The following YARS1 variants were observed in gnomAD, a reference collection of about 807,000 sequenced individuals.
YARS1 encodes the protein tyrosyl-tRNA synthetase 1.
YARS1 carries 36 observed loss-of-function variants against 62.2 expected under a neutral mutation model. The observed-to-expected ratio is 0.58, with a 90% CI of 0.44 to 0.76. The LOEUF is 0.76. YARS1 is among the 30% of genes least tolerant of loss of function. YARS1 has a pLI of 0.00. For synonymous variants in YARS1, 234 were observed against 244.9 expected (o/e 0.96, Z 0.42); for missense variants, 524 against 639.8 (o/e 0.82, Z 1.95).
rs149439246 is a variant in YARS1 at position 32,784,717 on chromosome 1, T to C, written c.906+1645A>G. Among the ~76,000 whole-genome samples the C allele has an allele frequency of 2.0e-3, 306 of 152,266 alleles. 3 individuals carry two copies. The highest frequency in any genetic ancestry group is 6.0e-3 in the African/African-American group (251 of 41,552). On this transcript the variant is annotated intron_variant, in intron 8 of 12. Coordinates refer to ENST00000373477, the MANE Select transcript of YARS1 (RefSeq NM_003680.4). ...ATATTCACATATATATTTTCACACATATATTCACATATATACACACATACA... is the reference window on the plus strand; with the variant it reads ...ATATTCACATATATATTTTCACACACATATTCACATATATACACACATACA...
At chr1:32,792,368 A>G (rs747804622) in intron 5 of YARS1, among the ~76,000 whole-genome samples, 3 of 152,238 alleles carry the variant, frequency 2.0e-5, no homozygotes, top group African/African-American at 4.8e-5. Context: ...AACCCAGGTG[A>G]TAAGTCAGTA....
In YARS1 at chr1:32,810,713, T is replaced by C. The variant is rs949689567; in HGVS notation, c.258A>G (p.Pro86=). The C allele has an allele frequency of 3.7e-6, 6 of 1,614,196 alleles. No homozygotes were observed. The highest frequency in any genetic ancestry group is 5.1e-6 in the Non-Finnish European group (6 of 1,180,038). The change falls in exon 3 of 13, where the codon CCA becomes CCG. Residue 86 remains proline, a synonymous_variant. Transcript: ENST00000373477. ...LHAYLDNMKA[P]WELLELRVSY... is the part of the protein sequence containing the mutation. ...TGACTCGGAGTTCTAGAAGTTCCCATGGGGCTTTCATGTTATCCAGGTATG... is the reference window on the plus strand; with the variant it reads ...TGACTCGGAGTTCTAGAAGTTCCCACGGGGCTTTCATGTTATCCAGGTATG...
intron 1 of YARS1, 103 bp from the exon 2 acceptor site, chr1:32,811,160 G>C: frequency 6.4e-7 from 1 of 1,559,006 alleles, no homozygotes; most frequent in Non-Finnish European, 8.8e-7. Context: ...GGAGATCCAG[G>C]CTCAGAGCCA....
At chr1:32,796,964 T>A (rs572262948) in intron 5 of YARS1, among the ~76,000 whole-genome samples, 285 of 4,062 alleles carry the variant, frequency 0.07, 34 homozygotes, top group Non-Finnish European at 0.082. Context: ...AAACTCAGTC[T>A]CAAAAAAAAA....
At chr1:32,777,331 G>T (rs1243560069) in intron 12 of YARS1, among the ~76,000 whole-genome samples, 3 of 152,022 alleles carry the variant, frequency 2.0e-5, no homozygotes, top group Admixed American at 6.5e-5. Flanking sequence ...ATGGCCAGGA[G>T]GCTTGGAACA....
intron 7 of YARS1, 56 bp from the exon 8 acceptor site, chr1:32,786,503 T>C (rs1375474749): frequency 9.7e-7 from 1 of 1,028,518 alleles, no homozygotes; most frequent in Non-Finnish European, 1.4e-6. Flanking sequence ...CTAGCTCACA[T>C]GCATGACTAT....
rs1652872868 is a variant in YARS1 at position 32,776,730 on chromosome 1, G to A, written c.1477-639C>T. On this transcript the variant is annotated intron_variant, in intron 12 of 12. Coordinates refer to ENST00000373477, the MANE Select transcript of YARS1 (RefSeq NM_003680.4). The surrounding 1 kb of genome is among the most constrained non-coding windows in gnomAD (Gnocchi z 4.0). Reference sequence around the variant, plus strand: ...ACCTATAATCCCAGCATTTCGGGAGGCCGAGGTGGGCGGATCACGAGGTCA... The same window carrying A: ...ACCTATAATCCCAGCATTTCGGGAGACCGAGGTGGGCGGATCACGAGGTCA... Among the ~76,000 whole-genome samples, 1 of 152,056 alleles carries A rather than the reference G, an allele frequency of 6.6e-6. No homozygotes were observed. The highest frequency in any genetic ancestry group is 6.5e-5 in the Admixed American group (1 of 15,274).
chr1:32,791,307 A>G, intron 5 of YARS1, 53 bp from the exon 6 acceptor site: 4 of 1,452,522 alleles, frequency 2.8e-6, no homozygotes, highest in Admixed American at 1.7e-5. Flanking sequence ...GTTCCTCCTC[A>G]GTGCCCTGAT....
At chr1:32,785,254 G>A (rs758996000) in intron 8 of YARS1, among the ~76,000 whole-genome samples, 16 of 152,180 alleles carry the variant, frequency 1.1e-4, no homozygotes, top group Non-Finnish European at 1.9e-4. Context: ...GAGGTCAGGA[G>A]TTCAAGACCA....
At position 32,775,306 on chromosome 1, in the gene YARS1, A is replaced by AAGT. The variant is rs1652808036; in HGVS notation, c.*672_*674dup. On this transcript the variant is annotated 3_prime_UTR_variant, in exon 13 of 13. Coordinates refer to ENST00000373477, the MANE Select transcript of YARS1 (RefSeq NM_003680.4). ...GATTTGACTGAGATGCCTTATGGAG[A>AAGT]AGTACCCCACCCTCTATGAAGACAG... The AAGT allele has an allele frequency of 6.5e-6, 1 of 152,740 alleles. No homozygotes were observed. The highest frequency in any genetic ancestry group is 2.1e-4 in the South Asian group (1 of 4,854). The allele number at this position is 152,740 out of a possible 1,614,324, so 9.5% of individuals were successfully genotyped here.
intron 5 of YARS1, among the ~76,000 whole-genome samples, chr1:32,792,499 G>C (rs1309511720): frequency 6.6e-6 from 1 of 152,150 alleles, no homozygotes; most frequent in East Asian, 1.9e-4. Flanking sequence ...GCAGAGAAAA[G>C]TGGCTGACAG....
chr1:32,802,397 TTAA>T (rs1159927531), intron 4 of YARS1, among the ~76,000 whole-genome samples: 1 of 152,172 alleles, frequency 6.6e-6, no homozygotes, highest in Non-Finnish European at 1.5e-5. Context: ...ACGAATATTC[TTAA>T]TAACACCGAG....
At position 32,817,252 on chromosome 1, in the gene YARS1, C is replaced by A. The variant is rs767137152; in HGVS notation, c.-8G>T. The A allele has an allele frequency of 2.5e-6, 4 of 1,613,932 alleles. No homozygotes were observed. In the South Asian group the frequency reaches 4.4e-5, roughly 18 times the overall value. ...GCTGGGAGCGTCCCCCATGGCTCCGCTACCCCTGCTTCCCCCGCTCAGCCC... is the reference window on the plus strand; with the variant it reads ...GCTGGGAGCGTCCCCCATGGCTCCGATACCCCTGCTTCCCCCGCTCAGCCC... On this transcript the variant is annotated 5_prime_UTR_variant, in exon 1 of 13. Transcript: ENST00000373477.
rs141269097 is a variant in YARS1 at position 32,805,272 on chromosome 1, A to G, written c.510+1210T>C. ...GGGAGAGGGGGAGAGGGGGAGAGGGAGAGAGGGAGAGAGGGAGAGAGGGAG... is the reference window on the plus strand; with the variant it reads ...GGGAGAGGGGGAGAGGGGGAGAGGGGGAGAGGGAGAGAGGGAGAGAGGGAG... On this transcript the variant is annotated intron_variant, in intron 4 of 12. Coordinates refer to ENST00000373477, the MANE Select transcript of YARS1 (RefSeq NM_003680.4). Among the ~76,000 whole-genome samples the G allele has an allele frequency of 6.8e-3, 847 of 124,490 alleles. 2 individuals are homozygous for G. The highest frequency in any genetic ancestry group is 0.024 in the African/African-American group (619 of 25,930). 81.7% of individuals were successfully genotyped at this position (124,490 alleles called of 152,430 possible). A position where few individuals can be genotyped will look rare whatever the true frequency, so the allele number is the denominator to read the frequency against.
chr1:32,808,686 T>C (rs1402853238), intron 3 of YARS1, among the ~76,000 whole-genome samples: 2 of 152,174 alleles, frequency 1.3e-5, no homozygotes, highest in Non-Finnish European at 2.9e-5. Context: ...ATTCAATATA[T>C]ATTTGCAAGA....
At chr1:32,809,770 A>G (rs1316616081) in intron 3 of YARS1, among the ~76,000 whole-genome samples, 1 of 152,204 alleles carries the variant, frequency 6.6e-6, no homozygotes, top group East Asian at 1.9e-4. Context: ...AAAGTGACTA[A>G]TAGAGCGCTA....
At chr1:32,784,179 A>ATT (rs774872672) in intron 8 of YARS1, among the ~76,000 whole-genome samples, 24 of 135,214 alleles carry the variant, frequency 1.8e-4, no homozygotes, top group African/African-American at 4.6e-4. Flanking sequence ...CAGTATTTTG[A>ATT]TTTTTTTTTT....
chr1:32,778,056 T>C (rs1272256182), intron 12 of YARS1, among the ~76,000 whole-genome samples: 1 of 152,156 alleles, frequency 6.6e-6, no homozygotes, highest in East Asian at 1.9e-4. Flanking sequence ...AATGGCCTCA[T>C]GCAAGAGGAT....
chr1:32,807,861 T>G (rs1253712857), intron 3 of YARS1, among the ~76,000 whole-genome samples: 1 of 152,234 alleles, frequency 6.6e-6, no homozygotes, highest in East Asian at 1.9e-4. Flanking sequence ...CTTCAGTCTC[T>G]TCATTTGGAA....
Sources: gnomAD v4.1 joint callset for allele counts (sites outside exome capture counted in the v4.1 genomes callset) on GRCh38, gnomAD v4.1.1 for gene constraint, Gnocchi (gnomAD v3.1) non-coding constraint, MANE v1.5 for transcripts, NCBI Gene and HGNC (gene_info 2026-07-23, HGNC 2026-07-21) for gene names.